The following ANKRD11 variants were observed in gnomAD, a reference collection of about 807,000 sequenced individuals.
The protein encoded by ANKRD11 is ankyrin repeat domain-containing protein 11.
In ANKRD11, 17 loss-of-function variants were observed where a neutral mutation model predicts 195.7. The ratio of observed to expected loss-of-function variants is 0.09; its 90% CI spans 0.06 to 0.13. The LOEUF is 0.13. Ranked by LOEUF, ANKRD11 falls within the 10% of genes least tolerant of loss-of-function variation. ANKRD11 has a pLI of 1.00. For synonymous variants in ANKRD11, 1,953 were observed against 1,528.1 expected (o/e 1.28, Z -6.49); for missense variants, 3,735 against 3,566.1 (o/e 1.05, Z -1.21).
intron 5 of ANKRD11, 51 bp downstream of exon 5, chr16:89,290,962 C>T (rs1048113864): frequency 1.9e-6 from 3 of 1,610,162 alleles, no homozygotes; most frequent in Non-Finnish European, 2.5e-6. Flanking sequence ...GAGGCTGCGA[C>T]CAGGCAGAGC....
intron 2 of ANKRD11, 80 bp from the exon 3 acceptor site, chr16:89,317,158 C>T: frequency 1.0e-6 from 1 of 962,790 alleles, no homozygotes; most frequent in Non-Finnish European, 1.6e-6. Flanking sequence ...ACTCAACAGA[C>T]TCAGTAACTA....
At chr16:89,420,796 G>A (rs1056651624) in intron 1 of ANKRD11, among the ~76,000 whole-genome samples, 2 of 152,116 alleles carry the variant, frequency 1.3e-5, no homozygotes, top group Admixed American at 6.6e-5. Context: ...AGCTCACTGC[G>A]GCCTCAACCT....
intron 1 of ANKRD11, among the ~76,000 whole-genome samples, chr16:89,442,188 C>T (rs1266314185): frequency 6.6e-6 from 1 of 152,200 alleles, no homozygotes; most frequent in African/African-American, 2.4e-5. Context: ...GGGAGGACAC[C>T]CCAGCTGACA....
At chr16:89,388,256 G>A (rs550045719) in intron 2 of ANKRD11, among the ~76,000 whole-genome samples, 1 of 150,730 alleles carries the variant, frequency 6.6e-6, no homozygotes, top group Non-Finnish European at 1.5e-5. Context: ...GGGCCCACGC[G>A]GGTGGTGCCG....
intron 1 of ANKRD11, among the ~76,000 whole-genome samples, chr16:89,482,006 T>G (rs1012707850): frequency 6.6e-6 from 1 of 151,966 alleles, no homozygotes; most frequent in Non-Finnish European, 1.5e-5. Flanking sequence ...TCTCTTTTCA[T>G]AAGAACCAAT....
intron 1 of ANKRD11, among the ~76,000 whole-genome samples, chr16:89,470,905 G>C (rs993303915): frequency 4.6e-5 from 7 of 152,254 alleles, no homozygotes; most frequent in South Asian, 4.1e-4. Context: ...AGGCAGGAGA[G>C]TGGTGTGAAC....
At chr16:89,305,455 A>G in intron 3 of ANKRD11, 111 bp from the exon 4 acceptor site, 1 of 1,447,740 alleles carries the variant, frequency 6.9e-7, no homozygotes, top group Non-Finnish European at 9.5e-7. Context: ...GGCAATGAAC[A>G]CCCTCCCTGC....
chr16:89,456,864 T>C (rs1250811940), intron 1 of ANKRD11, among the ~76,000 whole-genome samples: 4 of 152,190 alleles, frequency 2.6e-5, no homozygotes, highest in South Asian at 2.1e-4. Flanking sequence ...ATAGACATAA[T>C]GGTGCTAGTT....
intron 2 of ANKRD11, among the ~76,000 whole-genome samples, chr16:89,371,207 T>C (rs533493194): frequency 1.3e-5 from 2 of 152,110 alleles, no homozygotes; most frequent in Non-Finnish European, 2.9e-5. Context: ...CGACTCTCAC[T>C]ACCTCCCAAC....
intron 1 of ANKRD11, among the ~76,000 whole-genome samples, chr16:89,437,135 G>C (rs1443345552): frequency 1.3e-5 from 2 of 152,196 alleles, no homozygotes; most frequent in Non-Finnish European, 2.9e-5. Context: ...ACAGGGAAGG[G>C]AACGAAGCGA....
rs560496588 is a variant in ANKRD11, at chr16:89,472,192, T to G, written c.-145+18053A>C. Among the ~76,000 whole-genome samples the G allele has an allele frequency of 9.9e-5, 15 of 152,202 alleles. No individual in the cohort carries two copies. The East Asian group carries it at 2.9e-3, about 29-fold the overall frequency. ...TGAAGCTGCTGTCAACACTGCCCAA[T>G]AAACACTCGCAGGACACAGCTAAGG... On this transcript the variant is annotated intron_variant, in intron 1 of 12. Transcript: ENST00000301030.
At chr16:89,474,749 A>G (rs1001058021) in intron 1 of ANKRD11, among the ~76,000 whole-genome samples, 3 of 152,186 alleles carry the variant, frequency 2.0e-5, no homozygotes, top group Admixed American at 2.0e-4. Flanking sequence ...CTCAATCACT[A>G]TATTCCAAGT....
chr16:89,414,622 G>A (rs2042221685), intron 2 of ANKRD11, among the ~76,000 whole-genome samples: 1 of 152,202 alleles, frequency 6.6e-6, no homozygotes. Flanking sequence ...CCACTGTCCT[G>A]GGTAGGAGAC....
intron 2 of ANKRD11, chr16:89,319,928 A>T (rs953520339): frequency 1.3e-5 from 2 of 152,412 alleles, no homozygotes; most frequent in African/African-American, 4.8e-5. Flanking sequence ...TTTGGCCCCC[A>T]CACTGCCCTG....
At chr16:89,428,154 G>C (rs1377680480) in intron 1 of ANKRD11, among the ~76,000 whole-genome samples, 1 of 152,120 alleles carries the variant, frequency 6.6e-6, no homozygotes, top group Non-Finnish European at 1.5e-5. Context: ...GTTGCAGTGA[G>C]CCAAGATCGT....
Position 89,285,192 on chromosome 16 carries a change from T to C in ANKRD11, c.1350A>G (p.Glu450=), listed in dbSNP as rs2034562973. ...TTCGCTTCTTTTTCACTTTATTTTT[T>C]TCCTTCTGCTGCTTGGCATTAGAAG... ...REPSNAKQQK[E]KNKVKKKRKK... Residue 450 remains glutamate, a synonymous_variant, in exon 9 of 13, where the codon GAA becomes GAG. Coordinates refer to ENST00000301030, the MANE Select transcript of ANKRD11 (RefSeq NM_013275.6). This position sits in a 1 kb window ranked among gnomAD's most constrained non-coding sequence, Gnocchi z 5.6. 3 of 1,613,650 alleles carry C rather than the reference T, an allele frequency of 1.9e-6. No individual in the cohort carries two copies. Among genetic ancestry groups the C allele is most frequent in the Non-Finnish European group, 1.7e-6 (2 of 1,180,004 alleles).
chr16:89,475,887 T>TA (rs1190896213), intron 1 of ANKRD11, among the ~76,000 whole-genome samples: 7 of 151,642 alleles, frequency 4.6e-5, no homozygotes, highest in South Asian at 2.1e-4. Context: ...CTGTCTCTAC[T>TA]AAAAAAATTT....
intron 1 of ANKRD11, among the ~76,000 whole-genome samples, chr16:89,471,167 C>T (rs2057071246): frequency 6.6e-6 from 1 of 151,642 alleles, no homozygotes; most frequent in African/African-American, 2.4e-5. Context: ...AGCCTGACAG[C>T]AGAGTGAGAC....
At chr16:89,427,737 T>G (rs1246824616) in intron 1 of ANKRD11, among the ~76,000 whole-genome samples, 1 of 151,546 alleles carries the variant, frequency 6.6e-6, no homozygotes. Flanking sequence ...AGGCAGAGGT[T>G]GCAGTGAGCT....
Sources: gnomAD v4.1 joint callset for allele counts (sites outside exome capture counted in the v4.1 genomes callset) on GRCh38, gnomAD v4.1.1 for gene constraint, Gnocchi (gnomAD v3.1) non-coding constraint, MANE v1.5 for transcripts, NCBI Gene and HGNC (gene_info 2026-07-23, HGNC 2026-07-21) for gene names.